NIM1K: variants seen among roughly 807,000 people sequenced by gnomAD.
The protein encoded by NIM1K is serine/threonine-protein kinase NIM1.
A neutral mutation model predicts 37.1 loss-of-function variants in NIM1K; 35 were observed. That is an observed-to-expected ratio of 0.94 (90% CI 0.72 to 1.25). NIM1K has a LOEUF of 1.25. NIM1K is among the 50% of genes most tolerant of loss of function. The probability of loss-of-function intolerance (pLI) is 0.00; values close to 1 mark genes in which losing one functional copy is unlikely to be tolerated. For synonymous variants in NIM1K, 234 were observed against 206.6 expected (o/e 1.13, Z -1.14); for missense variants, 564 against 548.0 (o/e 1.03, Z -0.29).
At chr5:43,195,753 G>A (rs994343810) in intron 1 of NIM1K, among the ~76,000 whole-genome samples, 1 of 151,760 alleles carries the variant, frequency 6.6e-6, no homozygotes, top group African/African-American at 2.4e-5. Context: ...ATGAATATGA[G>A]CATTAGCCAA....
At chr5:43,268,375 A>G (rs1005633661) in intron 2 of NIM1K, among the ~76,000 whole-genome samples, 2 of 152,112 alleles carry the variant, frequency 1.3e-5, no homozygotes, top group Admixed American at 6.5e-5. Context: ...GGGTTTTTCA[A>G]AGGCAGTTTT....
At chr5:43,262,929 G>A (rs759385680) in intron 2 of NIM1K, among the ~76,000 whole-genome samples, 1 of 152,120 alleles carries the variant, frequency 6.6e-6, no homozygotes, top group East Asian at 1.9e-4. Flanking sequence ...ATTTGCGTAT[G>A]TTGAATGAGC....
intron 2 of NIM1K, among the ~76,000 whole-genome samples, chr5:43,256,163 G>C: frequency 6.6e-6 from 1 of 152,098 alleles, no homozygotes; most frequent in African/African-American, 2.4e-5. Flanking sequence ...GACATGATCT[G>C]GCTTATGCTT....
In NIM1K at chr5:43,254,242, C is replaced by T. The variant is rs1197011926; in HGVS notation, c.292+8175C>T. Among the ~76,000 whole-genome samples, 7 of 152,100 alleles carry T rather than the reference C, an allele frequency of 4.6e-5. No individual in the cohort carries two copies. In the South Asian group the frequency reaches 6.2e-4, roughly 14 times the overall value. ...CGGGACATGGGAGAGGAAGAATTGACGATGACTCCCAGTTTCCAGTTTTAA... is the reference window on the plus strand; with the variant it reads ...CGGGACATGGGAGAGGAAGAATTGATGATGACTCCCAGTTTCCAGTTTTAA... On this transcript the variant is annotated intron_variant, in intron 2 of 3. Transcript: ENST00000326035.
intron 1 of NIM1K, among the ~76,000 whole-genome samples, chr5:43,211,353 A>C (rs1752201625): frequency 6.6e-6 from 1 of 152,166 alleles, no homozygotes; most frequent in South Asian, 2.1e-4. Flanking sequence ...AGTTGTGGTT[A>C]CATTCTTACT....
chr5:43,208,283 A>G (rs1752147529), intron 1 of NIM1K, among the ~76,000 whole-genome samples: 1 of 151,148 alleles, frequency 6.6e-6, no homozygotes, highest in Admixed American at 6.7e-5. Context: ...TGCTTCAATT[A>G]AATTACAAAA....
In NIM1K at chr5:43,213,267, CT is replaced by C. The variant is rs1245447106; in HGVS notation, c.-695+20861del. On this transcript the variant is annotated intron_variant, in intron 1 of 3. Coordinates refer to ENST00000326035, the MANE Select transcript of NIM1K (RefSeq NM_153361.4). Reference sequence around the variant, plus strand: ...CTTTCTTTCTTGTTCTTTCTTGTTTCTTTTTCTTTCTTGTTTCCTTTCCTTT... The same window carrying C: ...CTTTCTTTCTTGTTCTTTCTTGTTTCTTTTCTTTCTTGTTTCCTTTCCTTT... Among the ~76,000 whole-genome samples the C allele has an allele frequency of 1.4e-4, 19 of 132,970 alleles. 2 individuals carry two copies. The highest frequency in any genetic ancestry group is 4.9e-4 in the African/African-American group (17 of 34,876). 87.2% of individuals were successfully genotyped at this position (132,970 alleles called of 152,430 possible).
At position 43,280,508 on chromosome 5, in the gene NIM1K, T is replaced by C. The variant is rs1753425495; in HGVS notation, c.1090T>C (p.Leu364=). Residue 364 remains leucine, a synonymous_variant, in exon 4 of 4, where the codon TTG becomes CTG. Transcript: ENST00000326035. ...TGAGGTCAAAAGCACTTTAGAACAT[T>C]TGGGCATTACAGAAGAGCATATTCG... is the stretch of plus-strand genomic sequence containing the variant. ...ENEVKSTLEH[L]GITEEHIRNN... 1 of 1,613,992 alleles carries C rather than the reference T, an allele frequency of 6.2e-7. No individual in the cohort carries two copies. The highest frequency in any genetic ancestry group is 1.3e-5 in the African/African-American group (1 of 74,882).
chr5:43,212,906 C>T (rs1307005007), intron 1 of NIM1K, among the ~76,000 whole-genome samples: 6 of 152,170 alleles, frequency 3.9e-5, no homozygotes, highest in African/African-American at 1.4e-4. Flanking sequence ...AGAATGTGTA[C>T]CAGATATATT....
chr5:43,207,782 T>C (rs1268457101), intron 1 of NIM1K: 1 of 441,016 alleles, frequency 2.3e-6, no homozygotes, highest in Non-Finnish European at 4.4e-6. Flanking sequence ...GTGGGTATTG[T>C]ACACTCTTTG....
intron 2 of NIM1K, among the ~76,000 whole-genome samples, chr5:43,265,040 CT>C (rs1753101054): frequency 6.6e-6 from 1 of 152,214 alleles, no homozygotes; most frequent in Admixed American, 6.5e-5. Context: ...GTCTCTCTGG[CT>C]GCCCTTAACA....
At chr5:43,268,328 T>A (rs572251113) in intron 2 of NIM1K, among the ~76,000 whole-genome samples, 3 of 152,326 alleles carry the variant, frequency 2.0e-5, no homozygotes, top group South Asian at 4.1e-4. Flanking sequence ...GATGGAGATA[T>A]TACTCAAATC....
At chr5:43,207,356 A>G (rs1220011961) in intron 1 of NIM1K, 1 of 779,372 alleles carries the variant, frequency 1.3e-6, no homozygotes, top group Non-Finnish European at 2.4e-6. Context: ...GCTTGACCAA[A>G]TGGTGATCAA....
chr5:43,218,295 G>C lies in NIM1K; in HGVS notation c.-695+25884G>C, dbSNP rs901488996. Among the ~76,000 whole-genome samples the C allele has an allele frequency of 1.8e-4, 28 of 152,312 alleles. 1 individual carries two copies. The highest frequency in any genetic ancestry group is 6.7e-4 in the African/African-American group (28 of 41,554). On this transcript the variant is annotated intron_variant, in intron 1 of 3. Coordinates refer to ENST00000326035, the MANE Select transcript of NIM1K (RefSeq NM_153361.4). The stretch of plus-strand genomic sequence containing the variant: ...CAAAGTGCTGGGATTACAGGCGTGA[G>C]CCACCGTGCCCGGCCTCCTCTGTCT...
intron 3 of NIM1K, among the ~76,000 whole-genome samples, chr5:43,277,779 C>T (rs367697422): frequency 3.1e-5 from 4 of 127,508 alleles, no homozygotes; most frequent in Admixed American, 2.4e-4. Flanking sequence ...CCCCCCTCTC[C>T]GTGTGTGTGT....
intron 2 of NIM1K, among the ~76,000 whole-genome samples, chr5:43,266,765 G>A (rs150525718): frequency 2.4e-4 from 36 of 152,260 alleles, no homozygotes; most frequent in African/African-American, 8.2e-4. Context: ...CCTGACTTGC[G>A]TATGTTAAAT....
At chr5:43,246,107 G>A (rs772920610) in intron 2 of NIM1K, 40 bp downstream of exon 2, 1 of 1,555,918 alleles carries the variant, frequency 6.4e-7, no homozygotes, top group Non-Finnish European at 8.7e-7. Flanking sequence ...TGGCAGTATT[G>A]GGACCTAGTG....
intron 2 of NIM1K, among the ~76,000 whole-genome samples, chr5:43,247,625 G>T (rs958812869): frequency 6.6e-6 from 1 of 152,214 alleles, no homozygotes; most frequent in Non-Finnish European, 1.5e-5. Flanking sequence ...GGTCTAGAGT[G>T]GGACTGGGCA....
chr5:43,277,049 C>T lies in NIM1K; in HGVS notation c.293-8C>T, dbSNP rs375140330. 3.5e-5 allele frequency: 57 copies of T among 1,608,032 alleles called. No homozygotes were observed. Among genetic ancestry groups the T allele is most frequent in the Non-Finnish European group, 4.6e-5 (54 of 1,178,298 alleles). On this transcript the variant is annotated splice_region_variant and splice_polypyrimidine_tract_variant and intron_variant, in intron 2 of 3. Coordinates refer to ENST00000326035, the MANE Select transcript of NIM1K (RefSeq NM_153361.4). ...TTCTGGCACAATTTTTACTTTTTTTCCTTGCAGAAAAGGTGGCCATTAAGA... is the reference window on the plus strand; with the variant it reads ...TTCTGGCACAATTTTTACTTTTTTTTCTTGCAGAAAAGGTGGCCATTAAGA...
Sources: allele counts gnomAD v4.1 joint callset (sites outside exome capture counted in the v4.1 genomes callset), GRCh38; gene constraint gnomAD v4.1.1; transcripts MANE v1.5; gene names NCBI Gene and HGNC (gene_info 2026-07-23, HGNC 2026-07-21).